The following STXBP5 variants were observed in gnomAD, a reference collection of about 807,000 sequenced individuals.
STXBP5 encodes syntaxin-binding protein 5.
STXBP5 carries 50 observed loss-of-function variants against 152.4 expected under a neutral mutation model. That is an observed-to-expected ratio of 0.33 (90% CI 0.26 to 0.42). The LOEUF (loss-of-function observed/expected upper bound fraction) is 0.42, where lower values mean the gene tolerates loss of function less well. Ranked by LOEUF, STXBP5 falls within the 10% of genes least tolerant of loss-of-function variation. The probability of loss-of-function intolerance (pLI) is 1.00; values close to 1 mark genes in which losing one functional copy is unlikely to be tolerated. For missense variants in STXBP5, 1,167 were observed against 1,388.6 expected (o/e 0.84, Z 2.54); for synonymous variants, 492 against 494.7 (o/e 0.99, Z 0.07).
chr6:147,275,101 A>C (rs935137871), intron 7 of STXBP5, among the ~76,000 whole-genome samples: 1 of 152,182 alleles, frequency 6.6e-6, no homozygotes, highest in Non-Finnish European at 1.5e-5. Flanking sequence ...CTTGTCTAAT[A>C]AGAATAGCAG....
At position 147,204,560 on chromosome 6, in the gene STXBP5, C is replaced by T. The variant is rs1475791225; in HGVS notation, c.28C>T (p.Leu10=). The T allele has an allele frequency of 1.2e-6, 2 of 1,611,458 alleles. No individual in the cohort carries two copies. The highest frequency in any genetic ancestry group is 1.7e-5 in the Admixed American group (1 of 59,874). Residue 10 remains leucine, a synonymous_variant, in exon 1 of 28, where the codon CTG becomes TTG. Coordinates refer to ENST00000321680, the MANE Select transcript of STXBP5 (RefSeq NM_001127715.4). The surrounding 1 kb of genome is among the most constrained non-coding windows in gnomAD (Gnocchi z 4.3). Reference sequence around the variant, plus strand: ...GAGGAAATTCAACATCAGGAAGGTGCTGGACGGCCTGACCGCCGGCTCGTC... The same window carrying T: ...GAGGAAATTCAACATCAGGAAGGTGTTGGACGGCCTGACCGCCGGCTCGTC... The part of the protein sequence containing the change: MRKFNIRKV[L]DGLTAGSSSA...
intron 4 of STXBP5, among the ~76,000 whole-genome samples, chr6:147,239,823 G>C (rs1433717632): frequency 6.6e-6 from 1 of 152,168 alleles, no homozygotes; most frequent in East Asian, 1.9e-4. Flanking sequence ...ATTTGTAGAA[G>C]TAGGTTAGCT....
At chr6:147,268,745 C>T (rs1489736523) in intron 7 of STXBP5, among the ~76,000 whole-genome samples, 1 of 152,180 alleles carries the variant, frequency 6.6e-6, no homozygotes, top group East Asian at 1.9e-4. Flanking sequence ...TATGGAGTCA[C>T]AGGGACTAGT....
In STXBP5 at chr6:147,294,684, C is replaced by A. The variant is rs552103094; in HGVS notation, c.917+3512C>A. 3.3e-3 allele frequency among the ~76,000 whole-genome samples: 505 copies of A among 151,842 alleles called. 2 individuals carry two copies. The highest frequency in any genetic ancestry group is 0.011 in the African/African-American group (476 of 41,446). On this transcript the variant is annotated intron_variant, in intron 9 of 27. Transcript: ENST00000321680. ...AAAGTATTTTAGTCCTTTTTGATGT[C>A]AAAAAAAATTTTTAGATATCACATA...
intron 4 of STXBP5, among the ~76,000 whole-genome samples, chr6:147,246,674 ATT>A (rs1369747792): frequency 2.6e-5 from 4 of 152,192 alleles, no homozygotes; most frequent in Non-Finnish European, 4.4e-5. Context: ...TAGATGCATC[ATT>A]GTTTAGAGAA....
intron 21 of STXBP5, among the ~76,000 whole-genome samples, chr6:147,341,502 T>G (rs1784091464): frequency 6.6e-6 from 1 of 152,164 alleles, no homozygotes; most frequent in Non-Finnish European, 1.5e-5. Flanking sequence ...CTTCAACTTA[T>G]AGGTAGTTAT....
At chr6:147,328,173 TTTTTA>T (rs1291515222) in intron 18 of STXBP5, among the ~76,000 whole-genome samples, 7 of 152,202 alleles carry the variant, frequency 4.6e-5, no homozygotes, top group Admixed American at 2.0e-4. Context: ...TCTTGCCCTT[TTTTTA>T]TTTCATGACA....
chr6:147,359,378 G>GAA, intron 23 of STXBP5, 55 bp downstream of exon 23: 1 of 1,551,560 alleles, frequency 6.4e-7, no homozygotes, highest in Non-Finnish European at 8.7e-7. Flanking sequence ...TACTATGATA[G>GAA]AAGCCTTTGT....
chr6:147,206,172 G>A, intron 2 of STXBP5, 104 bp downstream of exon 2: 2 of 925,144 alleles, frequency 2.2e-6, no homozygotes, highest in Non-Finnish European at 3.3e-6. Flanking sequence ...CTGTTGGTGT[G>A]ATTAGATATA....
Position 147,339,381 on chromosome 6 carries a change from ATAGG to A in STXBP5, c.2254+2_2254+5del. 6.7e-7 allele frequency: 1 copy of A among 1,491,258 alleles called. No homozygotes were observed. 92.4% of individuals were successfully genotyped at this position (1,491,258 alleles called of 1,614,324 possible). A position where few individuals can be genotyped will look rare whatever the true frequency, so the allele number is the denominator to read the frequency against. On this transcript the variant is annotated splice_donor_variant and coding_sequence_variant, in exon 21 of 28. Transcript: ENST00000321680. LOFTEE classifies it high-confidence loss of function. ...GTTTTCCAAGATGGTAGCCAATGAT[ATAGG>A]TAGGAAATAGAAATTTCTATTTTGT...
intron 8 of STXBP5, among the ~76,000 whole-genome samples, chr6:147,282,452 T>G (rs990919029): frequency 1.3e-5 from 2 of 152,200 alleles, no homozygotes; most frequent in Non-Finnish European, 2.9e-5. Context: ...GGAGATTCCT[T>G]TTCTCTGAGA....
chr6:147,350,044 AAAT>A (rs1784518558), intron 21 of STXBP5, among the ~76,000 whole-genome samples: 1 of 152,188 alleles, frequency 6.6e-6, no homozygotes, highest in Admixed American at 6.5e-5. Flanking sequence ...TTTTGGGAGA[AAAT>A]AATAAATTGA....
chr6:147,287,157 A>G (rs948474411), intron 8 of STXBP5, among the ~76,000 whole-genome samples: 13 of 149,822 alleles, frequency 8.7e-5, no homozygotes, highest in East Asian at 7.9e-4. Flanking sequence ...TTGAGTTACA[A>G]TAGGGTGACT....
In STXBP5 at chr6:147,324,971, A is replaced by G; in HGVS notation, c.1815A>G (p.Ser605=). 6.5e-7 allele frequency: 1 copy of G among 1,540,244 alleles called. No individual in the cohort carries two copies. Among genetic ancestry groups the G allele is most frequent in the South Asian group, 1.3e-5 (1 of 78,536 alleles). The change falls in exon 17 of 28, where the codon TCA becomes TCG. Residue 605 remains serine (S), a synonymous_variant. Transcript: ENST00000321680. ...TCTTTTATTTTAGAGTTAAAAACTC[A>G]CCACTTAAACAGTCTCCAGGTTATC... ...DNVPCLKVKN[S]PLKQSPGYQT...
intron 26 of STXBP5, among the ~76,000 whole-genome samples, chr6:147,377,963 T>C (rs1785891529): frequency 6.6e-6 from 1 of 152,152 alleles, no homozygotes; most frequent in African/African-American, 2.4e-5. Context: ...AATAAGAGAA[T>C]GTAATCTATA....
At chr6:147,266,937 A>G (rs1222342189) in intron 6 of STXBP5, 147 bp from the exon 7 acceptor site, 3 of 666,434 alleles carry the variant, frequency 4.5e-6, no homozygotes, top group East Asian at 5.5e-5. Context: ...CATTTACGTG[A>G]TTACTAATTA....
intron 25 of STXBP5, among the ~76,000 whole-genome samples, chr6:147,369,142 A>G (rs533991760): frequency 1.3e-5 from 2 of 152,178 alleles, no homozygotes; most frequent in East Asian, 3.9e-4. Flanking sequence ...TGAATGGATC[A>G]GAATAGAATA....
chr6:147,239,042 T>G, intron 3 of STXBP5, 128 bp from the exon 4 acceptor site: 2 of 742,966 alleles, frequency 2.7e-6, no homozygotes, highest in Non-Finnish European at 4.2e-6. Flanking sequence ...AGGCAAATGT[T>G]TCTTAGATCT....
intron 4 of STXBP5, among the ~76,000 whole-genome samples, chr6:147,255,190 A>G (rs1430763710): frequency 6.6e-6 from 1 of 152,218 alleles, no homozygotes; most frequent in Admixed American, 6.5e-5. Context: ...GCTGGAAACC[A>G]TCATTCTCAG....
Sources: allele counts gnomAD v4.1 joint callset (sites outside exome capture counted in the v4.1 genomes callset), GRCh38; gene constraint gnomAD v4.1.1; non-coding constraint Gnocchi (gnomAD v3.1); transcripts MANE v1.5; gene names NCBI Gene and HGNC (gene_info 2026-07-23, HGNC 2026-07-21).